The following ITPR2 variants were observed in gnomAD, a reference collection of about 807,000 sequenced individuals.
ITPR2 encodes the protein inositol 1,4,5-trisphosphate-gated calcium channel ITPR2.
ITPR2 carries 207 observed loss-of-function variants against 317.1 expected under a neutral mutation model. The observed-to-expected ratio is 0.65, with a 90% CI of 0.58 to 0.73. The LOEUF is 0.73. ITPR2 is among the 30% of genes least tolerant of loss of function. ITPR2 has a pLI of 0.00. For synonymous variants in ITPR2, 1,156 were observed against 1,149.1 expected (o/e 1.01, Z -0.12); for missense variants, 2,613 against 3,284.0 (o/e 0.80, Z 4.99).
intron 43 of ITPR2, among the ~76,000 whole-genome samples, chr12:26,478,160 C>T (rs1272979259): frequency 6.6e-6 from 1 of 151,962 alleles, no homozygotes; most frequent in African/African-American, 2.4e-5. Flanking sequence ...CAACTATTTT[C>T]CCCCCAGAAG....
At chr12:26,707,305 C>T (rs1393330951) in intron 9 of ITPR2, among the ~76,000 whole-genome samples, 1 of 152,184 alleles carries the variant, frequency 6.6e-6, no homozygotes, top group Admixed American at 6.5e-5. Flanking sequence ...CCAATTCTTG[C>T]ATTCCCCACA....
intron 10 of ITPR2, among the ~76,000 whole-genome samples, chr12:26,689,618 G>A (rs1164763614): frequency 6.6e-6 from 1 of 152,092 alleles, no homozygotes; most frequent in African/African-American, 2.4e-5. Context: ...AGTTTTCCCT[G>A]AAGGCTCTGA....
chr12:26,568,458 C>T (rs1489219200), intron 34 of ITPR2, among the ~76,000 whole-genome samples: 2 of 151,918 alleles, frequency 1.3e-5, no homozygotes, highest in African/African-American at 2.4e-5. Flanking sequence ...TTATAAACCT[C>T]GGAAGTTCTC....
In ITPR2 at chr12:26,418,679, T is replaced by C. The variant is rs141857253; in HGVS notation, c.7110+370A>G. On this transcript the variant is annotated intron_variant, in intron 50 of 56. Transcript: ENST00000381340. ...TTTTGATATTATAAATAAAATACAA[T>C]GATTTCAGTACCTAAGAAAATATAC... 5.5e-4 allele frequency among the ~76,000 whole-genome samples: 84 copies of C among 152,252 alleles called. 2 individuals are homozygous for C. In the East Asian group the frequency reaches 0.016, roughly 29 times the overall value.
chr12:26,444,194 T>G (rs1293428186), intron 45 of ITPR2, among the ~76,000 whole-genome samples: 2 of 152,096 alleles, frequency 1.3e-5, no homozygotes, highest in Non-Finnish European at 2.9e-5. Context: ...AATCAGGCAT[T>G]TAAAAAAGCA....
chr12:26,424,024 T>C (rs1940971359), intron 49 of ITPR2, among the ~76,000 whole-genome samples: 1 of 152,174 alleles, frequency 6.6e-6, no homozygotes, highest in South Asian at 2.1e-4. Flanking sequence ...TAAGACTTTC[T>C]GCAGTGGCTT....
intron 56 of ITPR2, 132 bp downstream of exon 56, chr12:26,340,035 C>A: frequency 2.5e-6 from 2 of 796,508 alleles, no homozygotes; most frequent in East Asian, 2.9e-5. Flanking sequence ...TACAGTACAA[C>A]GTGAGGTTTC....
Position 26,613,590 on chromosome 12 carries a change from G to A in ITPR2, c.3462+7533C>T, listed in dbSNP as rs568655377. ...CACACACACACACACACACACACAC[G>A]GCAAAAAGGAAACAAAATCCAGATC... is the stretch of plus-strand genomic sequence containing the variant. On this transcript the variant is annotated intron_variant, in intron 26 of 56. Transcript: ENST00000381340. Among the ~76,000 whole-genome samples the A allele has an allele frequency of 2.2e-3, 314 of 142,748 alleles. 1 individual carries two copies. The highest frequency in any genetic ancestry group is 7.9e-3 in the African/African-American group (306 of 38,526). 93.6% of individuals were successfully genotyped at this position (142,748 alleles called of 152,430 possible). A position where few individuals can be genotyped will look rare whatever the true frequency, so the allele number is the denominator to read the frequency against.
At chr12:26,661,271 T>TGGGGGGGGGG (rs1947490826) in intron 15 of ITPR2, among the ~76,000 whole-genome samples, 1 of 5,090 alleles carries the variant, frequency 2.0e-4, no homozygotes, top group Non-Finnish European at 3.4e-4. Context: ...TAGGGGTGTG[T>TGGGGGGGGGG]GTGTGGGGGG....
chr12:26,669,548 T>C (rs1418878517), intron 13 of ITPR2, among the ~76,000 whole-genome samples: 1 of 152,130 alleles, frequency 6.6e-6, no homozygotes, highest in East Asian at 1.9e-4. Context: ...ATCTATAAAA[T>C]TACCAAGTCG....
At chr12:26,738,410 G>A (rs1949168083) in intron 2 of ITPR2, among the ~76,000 whole-genome samples, 1 of 150,550 alleles carries the variant, frequency 6.6e-6, no homozygotes, top group Non-Finnish European at 1.5e-5. Flanking sequence ...AGGTAACAGA[G>A]TAGAGAGGAG....
At chr12:26,804,438 T>C (rs1402781017) in intron 1 of ITPR2, among the ~76,000 whole-genome samples, 1 of 152,142 alleles carries the variant, frequency 6.6e-6, no homozygotes, top group Non-Finnish European at 1.5e-5. Flanking sequence ...AGACCTCTCT[T>C]TCTGGGAGGG....
At chr12:26,781,840 G>A (rs1329130921) in intron 2 of ITPR2, among the ~76,000 whole-genome samples, 1 of 151,818 alleles carries the variant, frequency 6.6e-6, no homozygotes, top group East Asian at 1.9e-4. Flanking sequence ...GCAGAAAAAT[G>A]TGAAAAGGCT....
chr12:26,821,559 C>A (rs1592160933), intron 1 of ITPR2, among the ~76,000 whole-genome samples: 1 of 152,308 alleles, frequency 6.6e-6, no homozygotes, highest in Non-Finnish European at 1.5e-5. Context: ...TTTCTTGGAG[C>A]TCCTCCAGTA....
At chr12:26,768,578 A>AC (rs375204868) in intron 2 of ITPR2, among the ~76,000 whole-genome samples, 28,998 of 112,526 alleles carry the variant, frequency 0.26, 3,867 homozygotes, top group Non-Finnish European at 0.4. Flanking sequence ...ATATAAAAAA[A>AC]AAAAAAAAAA....
intron 37 of ITPR2, among the ~76,000 whole-genome samples, chr12:26,540,137 AG>A (rs966932230): frequency 1.8e-4 from 27 of 152,232 alleles, no homozygotes; most frequent in African/African-American, 6.5e-4. Context: ...AAGGCCTTTT[AG>A]GCATTCTTTC....
At position 26,771,146 on chromosome 12, in the gene ITPR2, C is replaced by T. The variant is rs1170262436; in HGVS notation, c.163+19011G>A. Among the ~76,000 whole-genome samples, 5 of 152,174 alleles carry T rather than the reference C, an allele frequency of 3.3e-5. No homozygotes were observed. In the East Asian group the frequency reaches 9.6e-4, roughly 29 times the overall value. On this transcript the variant is annotated intron_variant, in intron 2 of 56. Transcript: ENST00000381340. ...TAGACCATTTTTCCTAATAATGTCA[C>T]ACTTATAGTGCCCAGACGTTATATA... is the stretch of plus-strand genomic sequence containing the variant.
intron 26 of ITPR2, among the ~76,000 whole-genome samples, chr12:26,610,168 C>A (rs1331078403): frequency 6.6e-6 from 1 of 152,196 alleles, no homozygotes. Context: ...AACACATGGA[C>A]TGCTTCTGTC....
In ITPR2 at chr12:26,387,505, T is replaced by G. The variant is rs774744468; in HGVS notation, c.7786A>C (p.Ile2596Leu). ...EHNMWHYLYF[I>L]VLVKVKDPTE... ...GGGTCTTTAACTTTCACCAGGACTATGAAGTACAAATAATGCCACATATTG... is the reference window on the plus strand; with the variant it reads ...GGGTCTTTAACTTTCACCAGGACTAGGAAGTACAAATAATGCCACATATTG... Residue 2596 changes from isoleucine (I) to leucine (L), a missense_variant, in exon 55 of 57, where the codon ATA becomes CTA. By Grantham distance (5) the Ile-to-Leu change is conservative. This residue lies in a region of ITPR2 where 119 missense variants were observed against 144.3 expected (regional missense o/e 0.82). Transcript: ENST00000381340. 6.2e-7 allele frequency: 1 copy of G among 1,613,862 alleles called. No homozygotes were observed. Among genetic ancestry groups the G allele is most frequent in the Non-Finnish European group, 8.5e-7 (1 of 1,179,836 alleles).
Sources: gnomAD v4.1 joint callset for allele counts (sites outside exome capture counted in the v4.1 genomes callset) on GRCh38, gnomAD v4.1.1 for gene constraint, gnomAD v4.1.1 regional missense constraint, MANE v1.5 for transcripts, NCBI Gene and HGNC (gene_info 2026-07-23, HGNC 2026-07-21) for gene names.